DOK6: variants seen among roughly 807,000 people sequenced by gnomAD.
DOK6 encodes the protein docking protein 6, also known as downstream of tyrosine kinase 6.
DOK6 carries 22 observed loss-of-function variants against 44.0 expected under a neutral mutation model. The observed-to-expected ratio is 0.50, with a 90% CI of 0.36 to 0.71. The LOEUF (loss-of-function observed/expected upper bound fraction) is 0.71. DOK6 is among the 30% of genes least tolerant of loss of function. The pLI is 0.00. For synonymous variants in DOK6, 166 were observed against 145.5 expected (o/e 1.14, Z -1.01); for missense variants, 340 against 416.4 (o/e 0.82, Z 1.60).
chr18:69,751,701 AAAT>A (rs1432919466), intron 6 of DOK6, among the ~76,000 whole-genome samples: 2 of 152,136 alleles, frequency 1.3e-5, no homozygotes, highest in Non-Finnish European at 2.9e-5. Flanking sequence ...ATTAAATAAA[AAAT>A]AATAAAATTT....
In DOK6 at chr18:69,517,482, C is replaced by A. The variant is rs1159177246; in HGVS notation, c.67-47005C>A. Among the ~76,000 whole-genome samples the A allele has an allele frequency of 2.0e-5, 3 of 152,102 alleles. No homozygotes were observed. In the East Asian group the frequency reaches 5.8e-4, roughly 29 times the overall value. On this transcript the variant is annotated intron_variant, in intron 1 of 7. Transcript: ENST00000382713. ...GGCTCTATTTGAATGGCTGATTGAA[C>A]TATATAGAGCCATGGGAGTCTCTTC...
chr18:69,728,625 G>GAA (rs34090517), intron 5 of DOK6, among the ~76,000 whole-genome samples: 8 of 143,562 alleles, frequency 5.6e-5, no homozygotes, highest in Non-Finnish European at 1.1e-4. Context: ...TTAGTATACT[G>GAA]AAAAAAAAAA....
At chr18:69,460,981 C>G (rs1217623765) in intron 1 of DOK6, among the ~76,000 whole-genome samples, 1 of 152,176 alleles carries the variant, frequency 6.6e-6, no homozygotes, top group Non-Finnish European at 1.5e-5. Flanking sequence ...GAGGAAAGCA[C>G]AGAAAAGCCT....
chr18:69,416,157 G>A (rs1312001331), intron 1 of DOK6, among the ~76,000 whole-genome samples: 2 of 61,724 alleles, frequency 3.2e-5, no homozygotes, highest in East Asian at 4.0e-4. Context: ...AGGGAGGGAG[G>A]GAAGGAAGGA....
intron 3 of DOK6, among the ~76,000 whole-genome samples, chr18:69,605,526 G>A (rs1983974654): frequency 6.6e-6 from 1 of 152,014 alleles, no homozygotes; most frequent in South Asian, 2.1e-4. Context: ...TAGGATAAAA[G>A]TTAAAACATC....
rs186026586 is a variant in DOK6, at chr18:69,742,391, G to T, written c.738+3288G>T. 4.8e-3 allele frequency among the ~76,000 whole-genome samples: 680 copies of T among 143,096 alleles called. 4 individuals carry two copies. Among genetic ancestry groups the T allele is most frequent in the Non-Finnish European group, 7.7e-3 (511 of 66,426 alleles). The allele number at this position is 143,096 out of a possible 152,430, so 93.9% of individuals were successfully genotyped here. A position where few individuals can be genotyped will look rare whatever the true frequency, so the allele number is the denominator to read the frequency against. On this transcript the variant is annotated intron_variant, in intron 6 of 7. Transcript: ENST00000382713. The stretch of plus-strand genomic sequence containing the variant: ...TTCGTGCCATTGCACTCTAGCTTGG[G>T]CAACAAGAGTGAAACTCCATCTCAA...
intron 5 of DOK6, among the ~76,000 whole-genome samples, chr18:69,716,457 T>A (rs1267228800): frequency 6.6e-6 from 1 of 152,192 alleles, no homozygotes; most frequent in African/African-American, 2.4e-5. Context: ...TCCTCTTCAC[T>A]TTGGAAATGA....
At chr18:69,669,036 C>G (rs542104373) in intron 3 of DOK6, among the ~76,000 whole-genome samples, 2 of 152,150 alleles carry the variant, frequency 1.3e-5, no homozygotes, top group African/African-American at 4.8e-5. Flanking sequence ...TTACAGGACC[C>G]TAATCTTCTA....
chr18:69,541,552 A>G (rs919570449), intron 1 of DOK6, among the ~76,000 whole-genome samples: 5 of 151,532 alleles, frequency 3.3e-5, no homozygotes, highest in African/African-American at 1.2e-4. Context: ...GAAATAATCG[A>G]TACTGGTCCT....
intron 3 of DOK6, among the ~76,000 whole-genome samples, chr18:69,637,070 G>A (rs1377161394): frequency 1.3e-5 from 2 of 152,168 alleles, no homozygotes; most frequent in Non-Finnish European, 2.9e-5. Flanking sequence ...GGGACCCTGG[G>A]TCATTACCCA....
intron 1 of DOK6, among the ~76,000 whole-genome samples, chr18:69,482,413 G>T (rs1483172549): frequency 2.0e-5 from 3 of 150,600 alleles, no homozygotes; most frequent in African/African-American, 7.4e-5. Flanking sequence ...TCATCCAAGT[G>T]TTATAAATAG....
At chr18:69,471,133 C>T (rs1980089974) in intron 1 of DOK6, among the ~76,000 whole-genome samples, 1 of 147,678 alleles carries the variant, frequency 6.8e-6, no homozygotes, top group Non-Finnish European at 1.5e-5. Context: ...CCTGTAATCC[C>T]AGCTACTCGG....
intron 1 of DOK6, among the ~76,000 whole-genome samples, chr18:69,466,988 G>A (rs1335812848): frequency 1.3e-5 from 2 of 151,972 alleles, no homozygotes; most frequent in Admixed American, 6.6e-5. Flanking sequence ...AAGGAGGAAA[G>A]ACCATGAAGG....
intron 1 of DOK6, among the ~76,000 whole-genome samples, chr18:69,479,496 A>G (rs1220283559): frequency 6.6e-6 from 1 of 152,200 alleles, no homozygotes; most frequent in Non-Finnish European, 1.5e-5. Flanking sequence ...ACAGGAATAC[A>G]ACGTTTTCCT....
At chr18:69,625,202 A>G (rs1350837906) in intron 3 of DOK6, among the ~76,000 whole-genome samples, 1 of 152,168 alleles carries the variant, frequency 6.6e-6, no homozygotes, top group Non-Finnish European at 1.5e-5. Context: ...ACTCTTTATT[A>G]GTGTCAAGAC....
At chr18:69,401,423 G>T (rs947616796) in intron 1 of DOK6, 113 bp downstream of exon 1, 3 of 1,209,208 alleles carry the variant, frequency 2.5e-6, no homozygotes, top group African/African-American at 3.2e-5. Context: ...AGAGGGACCC[G>T]GCCCTTAGGC....
intron 7 of DOK6, chr18:69,781,345 C>T (rs1311280278): frequency 6.6e-6 from 1 of 152,160 alleles, no homozygotes; most frequent in Non-Finnish European, 1.5e-5. Flanking sequence ...TATGGCATCA[C>T]TCACCATCTG....
At chr18:69,633,403 C>T (rs569928015) in intron 3 of DOK6, among the ~76,000 whole-genome samples, 7 of 152,236 alleles carry the variant, frequency 4.6e-5, no homozygotes, top group African/African-American at 1.7e-4. Context: ...ATACTGTTAA[C>T]CAGAAAGCTA....
chr18:69,712,141 C>T (rs1379470218), intron 5 of DOK6, among the ~76,000 whole-genome samples: 4 of 148,844 alleles, frequency 2.7e-5, no homozygotes, highest in Non-Finnish European at 4.5e-5. Context: ...ATTAGCCGGG[C>T]GTAGTGGCGG....
Sources: gnomAD v4.1 joint callset for allele counts (sites outside exome capture counted in the v4.1 genomes callset) on GRCh38, gnomAD v4.1.1 for gene constraint, MANE v1.5 for transcripts, NCBI Gene and HGNC (gene_info 2026-07-23, HGNC 2026-07-21) for gene names.